THADA: variants seen among roughly 807,000 people sequenced by gnomAD.
THADA encodes the protein THADA armadillo repeat containing, also known as tRNA (32-2'-O)-methyltransferase regulator THADA.
Under a neutral mutation model 219.8 loss-of-function variants are expected in THADA, and 213 were observed. The ratio of observed to expected loss-of-function variants is 0.97; its 90% CI spans 0.87 to 1.09. The LOEUF (loss-of-function observed/expected upper bound fraction) is 1.09. THADA is among the 50% of genes least tolerant of loss of function. The pLI is 0.00. For synonymous variants in THADA, 1,018 were observed against 828.9 expected, an observed-to-expected ratio of 1.23 and a Z score of -3.92; for missense variants, 2,956 against 2,311.3, an observed-to-expected ratio of 1.28 and a Z score of -5.72.
At chr2:43,592,087 AGT>A (rs1701646044) in intron 2 of THADA, 41 bp from the exon 3 acceptor site, 4 of 1,463,202 alleles carry the variant, frequency 2.7e-6, no homozygotes, top group Admixed American at 4.7e-5. Context: ...ATGATTTAAC[AGT>A]GAGTTAACTT....
chr2:43,299,287 A>C (rs1675969067), intron 31 of THADA, among the ~76,000 whole-genome samples: 1 of 152,210 alleles, frequency 6.6e-6, no homozygotes, highest in Admixed American at 6.5e-5. Context: ...ACAGAGATGC[A>C]GAGCTGAGAA....
chr2:43,483,773 A>T (rs1043456310), intron 26 of THADA, among the ~76,000 whole-genome samples: 1 of 151,400 alleles, frequency 6.6e-6, no homozygotes, highest in African/African-American at 2.4e-5. Context: ...ATATTTATAT[A>T]TATATTCAAG....
intron 21 of THADA, among the ~76,000 whole-genome samples, chr2:43,536,296 A>T (rs1234488129): frequency 2.0e-5 from 3 of 152,072 alleles, no homozygotes; most frequent in Non-Finnish European, 4.4e-5. Context: ...ATTCTGTTCC[A>T]CTGGTCTATG....
chr2:43,439,529 T>A (rs2104854530), intron 26 of THADA, among the ~76,000 whole-genome samples: 1 of 152,318 alleles, frequency 6.6e-6, no homozygotes, highest in Admixed American at 6.5e-5. Flanking sequence ...AGATCAACTG[T>A]CCTGGTGTCA....
At chr2:43,490,957 G>A (rs913831810) in intron 25 of THADA, among the ~76,000 whole-genome samples, 5 of 152,098 alleles carry the variant, frequency 3.3e-5, no homozygotes, top group African/African-American at 1.2e-4. Context: ...AAGTTATACA[G>A]AACAACACTT....
chr2:43,303,108 A>G (rs1676452632), intron 31 of THADA, among the ~76,000 whole-genome samples: 5 of 152,214 alleles, frequency 3.3e-5, no homozygotes, highest in Non-Finnish European at 5.9e-5. Context: ...TTTGGATGGC[A>G]TAACTATTAG....
chr2:43,330,570 C>T (rs1338703838), intron 30 of THADA, among the ~76,000 whole-genome samples: 4 of 152,180 alleles, frequency 2.6e-5, no homozygotes, highest in Non-Finnish European at 2.9e-5. Context: ...GCGTCAGTTA[C>T]GGACTTCAGT....
rs544495388 is a variant in THADA, at chr2:43,365,466, G to C, written c.4228-21229C>G. 6.6e-5 allele frequency among the ~76,000 whole-genome samples: 10 copies of C among 151,978 alleles called. No individual in the cohort carries two copies. The South Asian group carries it at 1.5e-3, about 22-fold the overall frequency. ...GGCGCCTGTAGTCCCAGCTACTAGG[G>C]AGGCTGAGGCAGGAGAATTACTCAA... On this transcript the variant is annotated intron_variant, in intron 29 of 37. Coordinates refer to ENST00000405975, the MANE Select transcript of THADA (RefSeq NM_022065.5).
intron 23 of THADA, 51 bp from the exon 24 acceptor site, chr2:43,505,786 T>C (rs368974319): frequency 7.8e-7 from 1 of 1,284,436 alleles, no homozygotes; most frequent in Non-Finnish European, 1.1e-6. Flanking sequence ...TACATATACT[T>C]GTTTGCTGCT....
intron 26 of THADA, among the ~76,000 whole-genome samples, chr2:43,477,473 G>C (rs571881179): frequency 6.6e-6 from 1 of 152,060 alleles, no homozygotes; most frequent in Non-Finnish European, 1.5e-5. Context: ...ACTAGTATTC[G>C]TTAAAACATA....
intron 13 of THADA, among the ~76,000 whole-genome samples, chr2:43,571,347 T>A (rs931265690): frequency 2.7e-5 from 4 of 150,328 alleles, no homozygotes; most frequent in Non-Finnish European, 4.4e-5. Context: ...CGCTCCTAGG[T>A]TCAAGCAATT....
chr2:43,354,590 A>C (rs1038503554), intron 29 of THADA, among the ~76,000 whole-genome samples: 6 of 152,150 alleles, frequency 3.9e-5, no homozygotes, highest in African/African-American at 1.4e-4. Context: ...TGGCTCCTAC[A>C]AATGAGTGAA....
chr2:43,327,330 CA>C (rs1679445703), intron 30 of THADA, among the ~76,000 whole-genome samples: 1 of 151,964 alleles, frequency 6.6e-6, no homozygotes, highest in African/African-American at 2.4e-5. Context: ...GTCATGGAGC[CA>C]GCACTGGAGT....
intron 26 of THADA, among the ~76,000 whole-genome samples, chr2:43,462,080 C>T (rs968862176): frequency 6.6e-6 from 1 of 152,104 alleles, no homozygotes; most frequent in Non-Finnish European, 1.5e-5. Context: ...AAGGGGATTT[C>T]GGGCTGCATT....
intron 31 of THADA, among the ~76,000 whole-genome samples, chr2:43,301,982 A>G (rs1415664130): frequency 6.6e-6 from 1 of 152,168 alleles, no homozygotes; most frequent in Non-Finnish European, 1.5e-5. Flanking sequence ...AGTTTGATCC[A>G]GTCTGAAGTT....
intron 26 of THADA, among the ~76,000 whole-genome samples, chr2:43,455,841 T>C (rs1378557718): frequency 2.6e-5 from 4 of 152,208 alleles, no homozygotes; most frequent in East Asian, 3.8e-4. Context: ...AGAGACACAA[T>C]AGTTACTAAG....
intron 21 of THADA, among the ~76,000 whole-genome samples, chr2:43,535,723 A>G (rs1221904358): frequency 1.3e-5 from 2 of 150,976 alleles, no homozygotes; most frequent in African/African-American, 2.4e-5. Flanking sequence ...TCCCAGATCA[A>G]TGTCCTGAAT....
At chr2:43,558,718 G>C (rs149424913) in intron 16 of THADA, among the ~76,000 whole-genome samples, 1 of 152,118 alleles carries the variant, frequency 6.6e-6, no homozygotes, top group Non-Finnish European at 1.5e-5. Context: ...GCTTGTGATC[G>C]TGTGAGTCAA....
Position 43,562,979 on chromosome 2 carries a change from G to A in THADA, c.2312-2594C>T, listed in dbSNP as rs147973557. ...TCTTTCTTTTATCTTAGTCAGTTTAGCAAACTTTGTCTATTTGTTAATCTT... is the reference window on the plus strand; with the variant it reads ...TCTTTCTTTTATCTTAGTCAGTTTAACAAACTTTGTCTATTTGTTAATCTT... On this transcript the variant is annotated intron_variant, in intron 15 of 37. Coordinates refer to ENST00000405975, the MANE Select transcript of THADA (RefSeq NM_022065.5). The A allele has an allele frequency of 2.0e-5, 3 of 152,190 alleles. No homozygotes were observed. In the East Asian group the frequency reaches 5.8e-4, roughly 29 times the overall value. 9.4% of individuals were successfully genotyped at this position (152,190 alleles called of 1,614,324 possible). A position where few individuals can be genotyped will look rare whatever the true frequency, so the allele number is the denominator to read the frequency against.
Sources: gnomAD v4.1 joint callset for allele counts (sites outside exome capture counted in the v4.1 genomes callset) on GRCh38, gnomAD v4.1.1 for gene constraint, MANE v1.5 for transcripts, NCBI Gene and HGNC (gene_info 2026-07-23, HGNC 2026-07-21) for gene names.